The following L3MBTL4 variants were observed in gnomAD, a reference collection of about 807,000 sequenced individuals.
The protein encoded by L3MBTL4 is L3MBTL histone methyl-lysine binding protein 4.
In L3MBTL4, 70 loss-of-function variants were observed where a neutral mutation model predicts 84.5. The ratio of observed to expected loss-of-function variants is 0.83; its 90% CI spans 0.68 to 1.01. L3MBTL4 has a LOEUF of 1.01. L3MBTL4 is among the 50% of genes least tolerant of loss of function. The pLI is 0.00. For synonymous variants in L3MBTL4, 274 were observed against 259.8 expected (o/e 1.05, Z -0.52); for missense variants, 715 against 754.8 (o/e 0.95, Z 0.62).
chr18:5,986,654 C>A (rs889267611), intron 16 of L3MBTL4, among the ~76,000 whole-genome samples: 1 of 152,184 alleles, frequency 6.6e-6, no homozygotes, highest in South Asian at 2.1e-4. Context: ...TGTGCCAGAG[C>A]GAGCCTTCCC....
intron 12 of L3MBTL4, 25 bp from the exon 13 acceptor site, chr18:6,171,967 T>A: frequency 9.0e-7 from 1 of 1,107,354 alleles, no homozygotes; most frequent in Non-Finnish European, 1.3e-6. Context: ...TTTGAATGAT[T>A]AGCATTTAGT....
chr18:6,387,324 T>G (rs2054866033), intron 1 of L3MBTL4, among the ~76,000 whole-genome samples: 2 of 152,324 alleles, frequency 1.3e-5, no homozygotes, highest in Middle Eastern at 6.8e-3. Context: ...GATACCCATA[T>G]GAGCATTCAA....
chr18:6,310,991 G>A lies in L3MBTL4; in HGVS notation c.72+563C>T, dbSNP rs569056156. Reference sequence around the variant, plus strand: ...CAAGGAAGAAGGAATTCTGCCTGCAGACTGACCTGGACTCAAGACTGCAGC... The same window carrying A: ...CAAGGAAGAAGGAATTCTGCCTGCAAACTGACCTGGACTCAAGACTGCAGC... On this transcript the variant is annotated intron_variant, in intron 3 of 18. Transcript: ENST00000317931. Among the ~76,000 whole-genome samples the A allele has an allele frequency of 3.1e-3, 471 of 152,282 alleles. 1 individual carries two copies. Among genetic ancestry groups the A allele is most frequent in the African/African-American group, 0.011 (456 of 41,558 alleles).
At chr18:6,274,971 T>C (rs148803586) in intron 4 of L3MBTL4, among the ~76,000 whole-genome samples, 1,726 of 152,292 alleles carry the variant, frequency 0.011, 28 homozygotes, top group African/African-American at 0.04. Flanking sequence ...CCTGCCACTA[T>C]GCAAGACAAA....
At chr18:6,265,830 T>C (rs550214735) in intron 4 of L3MBTL4, among the ~76,000 whole-genome samples, 5 of 152,294 alleles carry the variant, frequency 3.3e-5, no homozygotes, top group Admixed American at 6.5e-5. Flanking sequence ...GAATCGGGAA[T>C]GGGGAGATGT....
chr18:6,001,137 T>C (rs985709974), intron 16 of L3MBTL4, among the ~76,000 whole-genome samples: 28 of 152,220 alleles, frequency 1.8e-4, no homozygotes, highest in African/African-American at 6.0e-4. Context: ...AATAAGTACC[T>C]TGTCCTCCAA....
At chr18:5,985,155 T>G (rs1403297317) in intron 16 of L3MBTL4, among the ~76,000 whole-genome samples, 1 of 151,940 alleles carries the variant, frequency 6.6e-6, no homozygotes, top group Non-Finnish European at 1.5e-5. Flanking sequence ...AGCAAACTAG[T>G]GAAGATACAA....
At chr18:6,195,350 GC>G (rs745450055) in intron 12 of L3MBTL4, among the ~76,000 whole-genome samples, 17 of 152,306 alleles carry the variant, frequency 1.1e-4, no homozygotes, top group Non-Finnish European at 2.4e-4. Flanking sequence ...GCTACCCTGT[GC>G]CCCTGCACTC....
chr18:6,013,926 G>T (rs1202275008), intron 16 of L3MBTL4, among the ~76,000 whole-genome samples: 2 of 152,190 alleles, frequency 1.3e-5, no homozygotes, highest in East Asian at 3.9e-4. Context: ...TCCTGGTAGA[G>T]AGAAGAAAGT....
chr18:6,124,545 A>G (rs1247578494), intron 14 of L3MBTL4, among the ~76,000 whole-genome samples: 1 of 151,858 alleles, frequency 6.6e-6, no homozygotes, highest in Non-Finnish European at 1.5e-5. Context: ...GGTAAAAACT[A>G]GAAGATGATA....
intron 16 of L3MBTL4, chr18:6,029,938 CAAGCTGA>C (rs1232548774): frequency 5.1e-6 from 5 of 985,278 alleles, no homozygotes; most frequent in South Asian, 4.7e-5. Context: ...ATTTTCCAGT[CAAGCTGA>C]CACCTACAGA....
intron 4 of L3MBTL4, among the ~76,000 whole-genome samples, chr18:6,277,156 A>C (rs1326210468): frequency 1.2e-5 from 1 of 80,800 alleles, no homozygotes; most frequent in African/African-American, 5.0e-5. Context: ...GGGACGGGGG[A>C]GGGATAGTAT....
chr18:6,088,847 T>C (rs973252736), intron 15 of L3MBTL4, among the ~76,000 whole-genome samples: 11 of 152,192 alleles, frequency 7.2e-5, no homozygotes, highest in Non-Finnish European at 8.8e-5. Flanking sequence ...CTACATGCCA[T>C]CCTTTCTGAT....
At chr18:6,351,430 G>C (rs1251440414) in intron 1 of L3MBTL4, among the ~76,000 whole-genome samples, 2 of 152,284 alleles carry the variant, frequency 1.3e-5, no homozygotes, top group East Asian at 3.9e-4. Context: ...AAAAGTTCTG[G>C]AGGTGGATGG....
intron 15 of L3MBTL4, among the ~76,000 whole-genome samples, chr18:6,088,021 G>T (rs559605683): frequency 1.3e-5 from 2 of 152,290 alleles, no homozygotes; most frequent in East Asian, 3.9e-4. Flanking sequence ...GAAACATAAA[G>T]AAGAAAAAGC....
chr18:6,007,276 C>T (rs17483463), intron 16 of L3MBTL4, among the ~76,000 whole-genome samples: 11,078 of 151,616 alleles, frequency 0.073, 518 homozygotes, highest in East Asian at 0.12. Context: ...AAAAAACTAA[C>T]GTGGCAACAG....
intron 1 of L3MBTL4, among the ~76,000 whole-genome samples, chr18:6,384,277 A>T (rs1228441875): frequency 1.3e-5 from 2 of 152,124 alleles, no homozygotes; most frequent in East Asian, 3.9e-4. Flanking sequence ...ACACACTCAT[A>T]TATATACATA....
chr18:6,144,217 A>AAAAAAAAAAAAAAAC (rs2042551057), intron 13 of L3MBTL4, among the ~76,000 whole-genome samples: 1 of 150,998 alleles, frequency 6.6e-6, no homozygotes, highest in African/African-American at 2.4e-5. Flanking sequence ...AAAAAAAAAA[A>AAAAAAAAAAAAAAAC]AAAGACAGCA....
intron 16 of L3MBTL4, among the ~76,000 whole-genome samples, chr18:6,000,244 C>T (rs1291611077): frequency 6.6e-6 from 1 of 152,090 alleles, no homozygotes; most frequent in Non-Finnish European, 1.5e-5. Flanking sequence ...AGTGATCAGA[C>T]ATTCTGACAT....
Sources: gnomAD v4.1 joint callset for allele counts (sites outside exome capture counted in the v4.1 genomes callset) on GRCh38, gnomAD v4.1.1 for gene constraint, MANE v1.5 for transcripts, NCBI Gene and HGNC (gene_info 2026-07-23, HGNC 2026-07-21) for gene names.